ARHGAP6: variants seen among roughly 807,000 people sequenced by gnomAD.
ARHGAP6 encodes the protein Rho GTPase activating protein 6.
ARHGAP6 carries 16 observed loss-of-function variants against 55.7 expected under a neutral mutation model. The ratio of observed to expected loss-of-function variants is 0.29; its 90% CI spans 0.19 to 0.44. The LOEUF is 0.44. Ranked by LOEUF, ARHGAP6 falls within the 20% of genes least tolerant of loss-of-function variation. The pLI is 1.00. For synonymous variants in ARHGAP6, 382 were observed against 360.9 expected, an observed-to-expected ratio of 1.06 and a Z score of -0.66; for missense variants, 698 against 808.9, an observed-to-expected ratio of 0.86 and a Z score of 1.66.
chrX:11,457,438 T>C (rs1252429465), intron 1 of ARHGAP6, among the ~76,000 whole-genome samples: 2 of 111,260 alleles, frequency 1.8e-5, no homozygotes, highest in Admixed American at 9.5e-5. Flanking sequence ...AGACATTCTC[T>C]TCCTTAGGGA....
chrX:11,365,790 G>C (rs1303064388), intron 1 of ARHGAP6, among the ~76,000 whole-genome samples: 1 of 112,284 alleles, frequency 8.9e-6, no homozygotes, highest in Non-Finnish European at 1.9e-5. Context: ...AATTTCATCT[G>C]TGAGAGCCAT....
At chrX:11,362,653 A>T (rs1354388093) in intron 1 of ARHGAP6, among the ~76,000 whole-genome samples, 1 of 98,977 alleles carries the variant, frequency 1.0e-5, no homozygotes, top group African/African-American at 4.0e-5. Context: ...CTTAAAGTAT[A>T]ATAATAATAA....
At chrX:11,661,600 T>C (rs1283084188) in intron 1 of ARHGAP6, among the ~76,000 whole-genome samples, 4 of 112,516 alleles carry the variant, frequency 3.6e-5, no homozygotes, top group African/African-American at 1.3e-4. Context: ...GATCCATCAA[T>C]GGCTAAACCT....
chrX:11,249,572 G>GA (rs992218858), intron 2 of ARHGAP6, among the ~76,000 whole-genome samples: 9 of 108,085 alleles, frequency 8.3e-5, no homozygotes, highest in Admixed American at 2.9e-4. Context: ...CACTCTGAGA[G>GA]AAAAAAAAAA....
At chrX:11,174,559 TTCCTTCCTTC>T (rs2046146334) in intron 8 of ARHGAP6, among the ~76,000 whole-genome samples, 1 of 85,694 alleles carries the variant, frequency 1.2e-5, no homozygotes, top group African/African-American at 4.2e-5. Context: ...CCTTCCTTCC[TTCCTTCCTTC>T]CTTCCTTTCT....
At chrX:11,153,214 G>C (rs1327758713) in intron 10 of ARHGAP6, among the ~76,000 whole-genome samples, 1 of 111,312 alleles carries the variant, frequency 9.0e-6, no homozygotes, top group Non-Finnish European at 1.9e-5. Context: ...AAGATCTGGT[G>C]ATACCCATGC....
At chrX:11,271,302 A>C (rs1467353045) in intron 1 of ARHGAP6, among the ~76,000 whole-genome samples, 2 of 112,230 alleles carry the variant, frequency 1.8e-5, no homozygotes, top group East Asian at 5.6e-4. Flanking sequence ...AGCAGGATAT[A>C]AAACAAGCCT....
chrX:11,584,376 T>C (rs1231364428), intron 1 of ARHGAP6, among the ~76,000 whole-genome samples: 1 of 111,983 alleles, frequency 8.9e-6, no homozygotes, highest in East Asian at 2.8e-4. Flanking sequence ...TGTCAGCCAC[T>C]AAAAGTCTAT....
chrX:11,174,642 T>TC (rs2046172332), intron 8 of ARHGAP6, among the ~76,000 whole-genome samples: 4 of 79,857 alleles, frequency 5.0e-5, no homozygotes, highest in East Asian at 7.4e-4. Context: ...TTTCTTTCTT[T>TC]CTTTCTTTCT....
intron 1 of ARHGAP6, among the ~76,000 whole-genome samples, chrX:11,493,063 T>C (rs1484602748): frequency 1.8e-5 from 2 of 112,333 alleles, no homozygotes; most frequent in Middle Eastern, 4.6e-3. Context: ...ACCTGGACTA[T>C]ACATGTTGGG....
intron 1 of ARHGAP6, among the ~76,000 whole-genome samples, chrX:11,489,600 G>T (rs922378420): frequency 8.9e-6 from 1 of 112,234 alleles, no homozygotes. Context: ...TAACAGGCAT[G>T]TGGATCAAAT....
intron 1 of ARHGAP6, among the ~76,000 whole-genome samples, chrX:11,449,702 G>T (rs530596903): frequency 6.2e-5 from 7 of 112,538 alleles, no homozygotes; most frequent in African/African-American, 2.3e-4. Context: ...CTTCAGCACA[G>T]GGGCTGGCAC....
chrX:11,255,991 C>A (rs942096512), intron 1 of ARHGAP6, among the ~76,000 whole-genome samples: 5 of 112,456 alleles, frequency 4.4e-5, no homozygotes, highest in African/African-American at 1.6e-4. Flanking sequence ...GCTCAATGAT[C>A]AAGAAAGAAA....
At chrX:11,208,286 A>T (rs5979384) in intron 2 of ARHGAP6, among the ~76,000 whole-genome samples, 24,407 of 109,763 alleles carry the variant, frequency 0.22, 2,066 homozygotes, top group Middle Eastern at 0.34. Context: ...AGGAGCCACC[A>T]GGGGGGAATT....
At chrX:11,484,251 G>A (rs1397024427) in intron 1 of ARHGAP6, among the ~76,000 whole-genome samples, 1 of 110,095 alleles carries the variant, frequency 9.1e-6, no homozygotes, top group Non-Finnish European at 1.9e-5. Flanking sequence ...TGCAGCAGCT[G>A]TGCTCAGAGA....
chrX:11,408,892 C>CACACAAACACACAT (rs1491532884), intron 1 of ARHGAP6, among the ~76,000 whole-genome samples: 1 of 107,827 alleles, frequency 9.3e-6, no homozygotes, highest in African/African-American at 3.4e-5. Context: ...AATTGATCAT[C>CACACAAACACACAT]ACACACACAC....
chrX:11,619,306 T>G (rs1212526746), intron 1 of ARHGAP6, among the ~76,000 whole-genome samples: 1 of 112,407 alleles, frequency 8.9e-6, no homozygotes, highest in African/African-American at 3.2e-5. Flanking sequence ...TCCTTAGGAC[T>G]CTCAAATCTT....
chrX:11,528,336 AC>A (rs2051012569), intron 1 of ARHGAP6, among the ~76,000 whole-genome samples: 1 of 112,095 alleles, frequency 8.9e-6, no homozygotes, highest in South Asian at 3.7e-4. Flanking sequence ...ATATTTGCTA[AC>A]CTTTCAGCAC....
intron 1 of ARHGAP6, among the ~76,000 whole-genome samples, chrX:11,506,760 T>C (rs941990791): frequency 4.5e-5 from 5 of 111,562 alleles, no homozygotes; most frequent in African/African-American, 1.6e-4. Context: ...TACCCAGTAA[T>C]GGGATGGCTG....
Sources: gnomAD v4.1 joint callset for allele counts (sites outside exome capture counted in the v4.1 genomes callset) on GRCh38, gnomAD v4.1.1 for gene constraint, MANE v1.5 for transcripts, NCBI Gene and HGNC (gene_info 2026-07-23, HGNC 2026-07-21) for gene names.